The following COBLL1 variants were observed in gnomAD, a reference collection of about 807,000 sequenced individuals.
COBLL1 encodes cordon-bleu WH2 repeat protein like 1.
Under a neutral mutation model 94.8 loss-of-function variants are expected in COBLL1, and 50 were observed. The observed-to-expected ratio is 0.53, with a 90% confidence interval of 0.42 to 0.67. The LOEUF (loss-of-function observed/expected upper bound fraction) is 0.67. Ranked by LOEUF, COBLL1 falls within the 30% of genes least tolerant of loss-of-function variation. COBLL1 has a pLI of 0.00. For missense variants in COBLL1, 1,362 were observed against 1,348.7 expected (o/e 1.01, Z -0.15); for synonymous variants, 448 against 473.8 (o/e 0.95, Z 0.71).
At chr2:164,678,758 GA>G (rs773116328), downstream of COBLL1, among the ~76,000 whole-genome samples, 115 of 152,078 alleles carry the variant, frequency 7.6e-4, 1 homozygote, top group Non-Finnish European at 2.4e-4. Flanking sequence ...TGGAAAAAGG[GA>G]CAACTTACGT....
rs56773751 is a variant in COBLL1, at chr2:164,789,020, AACACACACACACACACACAC to A, written c.42-45165_42-45146del. Reference sequence around the variant, plus strand: ...GATTACCTGTAGGAGTAGAGGTTTAAACACACACACACACACACACACACACACACACACACACACACACA... The same window carrying A: ...GATTACCTGTAGGAGTAGAGGTTTAAACACACACACACACACACACACACA... On this transcript the variant is annotated intron_variant, in intron 2 of 13. Coordinates refer to ENST00000652658, the MANE Select transcript of COBLL1 (RefSeq NM_001365672.2). Among the ~76,000 whole-genome samples the A allele has an allele frequency of 3.2e-4, 46 of 141,668 alleles. No homozygotes were observed. The East Asian group carries it at 3.4e-3, about 10-fold the overall frequency. 92.9% of individuals were successfully genotyped at this position (141,668 alleles called of 152,430 possible).
chr2:164,757,873 T>C (rs1687489242), intron 2 of COBLL1, among the ~76,000 whole-genome samples: 1 of 151,852 alleles, frequency 6.6e-6, no homozygotes. Flanking sequence ...AATAAGAAAT[T>C]TCAGTTTGTC....
intron 2 of COBLL1, among the ~76,000 whole-genome samples, chr2:164,785,752 G>A (rs1416133263): frequency 6.6e-6 from 1 of 151,714 alleles, no homozygotes; most frequent in Non-Finnish European, 1.5e-5. Flanking sequence ...GGAGTTTTCA[G>A]TGGTATTTGA....
At chr2:164,763,661 G>A (rs567067863) in intron 2 of COBLL1, among the ~76,000 whole-genome samples, 94 of 152,196 alleles carry the variant, frequency 6.2e-4, no homozygotes, top group African/African-American at 1.9e-3. Context: ...GAAAAAGATC[G>A]CACACATTCA....
intron 4 of COBLL1, 134 bp downstream of exon 4, chr2:164,729,779 TA>T: frequency 1.3e-6 from 1 of 757,230 alleles, no homozygotes; most frequent in Non-Finnish European, 2.1e-6. Flanking sequence ...AACTGAATCC[TA>T]AACAAAGTGC....
intron 2 of COBLL1, among the ~76,000 whole-genome samples, chr2:164,823,284 C>T (rs1685271031): frequency 6.6e-6 from 1 of 152,126 alleles, no homozygotes; most frequent in African/African-American, 2.4e-5. Flanking sequence ...CAGTATCTGA[C>T]GCATTGTTTA....
intron 2 of COBLL1, among the ~76,000 whole-genome samples, chr2:164,747,507 A>G (rs1256459730): frequency 6.6e-6 from 1 of 152,128 alleles, no homozygotes; most frequent in African/African-American, 2.4e-5. Flanking sequence ...TTTTTAAGAC[A>G]GGGTCTGGCT....
chr2:164,803,763 T>C (rs980566147), intron 2 of COBLL1, among the ~76,000 whole-genome samples: 1 of 152,082 alleles, frequency 6.6e-6, no homozygotes, highest in Non-Finnish European at 1.5e-5. Flanking sequence ...ATATGTATTA[T>C]ACACACGAAG....
chr2:164,674,020 T>C (rs1691293031), intron 1 of COBLL1, among the ~76,000 whole-genome samples: 1 of 152,206 alleles, frequency 6.6e-6, no homozygotes, highest in South Asian at 2.1e-4. Flanking sequence ...ATGCCTCATT[T>C]AGTCAAGCTA....
At chr2:164,808,620 C>T (rs1306331222) in intron 2 of COBLL1, among the ~76,000 whole-genome samples, 1 of 152,144 alleles carries the variant, frequency 6.6e-6, no homozygotes. Context: ...TTTTGTGGTA[C>T]TTCCTTTAGC....
Position 164,704,951 on chromosome 2 carries a change from C to T in COBLL1, c.1150+1G>A. On this transcript the variant is annotated splice_donor_variant, in intron 8 of 13. Transcript: ENST00000652658. LOFTEE classifies it high-confidence loss of function. ...TAATGTTAATGAAACAACCACATTA[C>T]CAGTCACACGACTATTTTCATCACT... 3 of 1,570,104 alleles carry T rather than the reference C, an allele frequency of 1.9e-6. No homozygotes were observed. Among genetic ancestry groups the T allele is most frequent in the Non-Finnish European group, 2.6e-6 (3 of 1,161,492 alleles).
At chr2:164,803,106 C>A (rs13391278) in intron 2 of COBLL1, among the ~76,000 whole-genome samples, 53,890 of 152,042 alleles carry the variant, frequency 0.35, 9,756 homozygotes, top group Admixed American at 0.41. Context: ...GGAATGTAAA[C>A]TTGGTCAAAG....
chr2:164,728,869 G>A (rs142065677), intron 4 of COBLL1, among the ~76,000 whole-genome samples: 62 of 151,932 alleles, frequency 4.1e-4, no homozygotes, highest in Middle Eastern at 3.4e-3. Flanking sequence ...GATTTTAAGC[G>A]TCTCATCATT....
chr2:164,718,426 A>G, intron 7 of COBLL1: 1 of 168,980 alleles, frequency 5.9e-6, no homozygotes, highest in Non-Finnish European at 1.2e-5. Flanking sequence ...TCCAGAATAA[A>G]TAATTCCATA....
At position 164,815,050 on chromosome 2, in the gene COBLL1, A is replaced by G. The variant is rs146934684; in HGVS notation, c.41+26106T>C. On this transcript the variant is annotated intron_variant, in intron 2 of 13. Transcript: ENST00000652658. Reference sequence around the variant, plus strand: ...GCAGACACTGAAATCACTAGTTTCTACTGTGAGCTGGTGAACTTGATTTGA... The same window carrying G: ...GCAGACACTGAAATCACTAGTTTCTGCTGTGAGCTGGTGAACTTGATTTGA... Among the ~76,000 whole-genome samples the G allele has an allele frequency of 3.7e-3, 556 of 152,308 alleles. 1 individual carries two copies. Among genetic ancestry groups the G allele is most frequent in the Non-Finnish European group, 6.2e-3 (423 of 68,022 alleles).
At chr2:164,801,337 G>C (rs1319735410) in intron 2 of COBLL1, among the ~76,000 whole-genome samples, 5 of 149,714 alleles carry the variant, frequency 3.3e-5, no homozygotes, top group Non-Finnish European at 5.9e-5. Context: ...TACTCGGGAG[G>C]CTGAGGCAGG....
intron 2 of COBLL1, among the ~76,000 whole-genome samples, chr2:164,798,362 CAG>C (rs1246784259): frequency 2.0e-5 from 3 of 152,342 alleles, no homozygotes; most frequent in Non-Finnish European, 2.9e-5. Flanking sequence ...AGGCTGCCAG[CAG>C]AGTCTTAAAT....
chr2:164,787,685 T>C (rs1405438486), intron 2 of COBLL1, among the ~76,000 whole-genome samples: 1 of 152,110 alleles, frequency 6.6e-6, no homozygotes, highest in Non-Finnish European at 1.5e-5. Context: ...ATGCCATCCA[T>C]CATTGAGTAC....
chr2:164,663,541 A>C (rs1204104879), intron 2 of COBLL1, among the ~76,000 whole-genome samples: 1 of 152,162 alleles, frequency 6.6e-6, no homozygotes, highest in Admixed American at 6.6e-5. Context: ...AAAGACATGG[A>C]ATCAACCTGG....
Sources: gnomAD v4.1 joint callset for allele counts (sites outside exome capture counted in the v4.1 genomes callset) on GRCh38, gnomAD v4.1.1 for gene constraint, MANE v1.5 for transcripts, NCBI Gene and HGNC (gene_info 2026-07-23, HGNC 2026-07-21) for gene names.